Variants in CCDC30 observed in about 807,000 individuals in gnomAD.
CCDC30 encodes coiled-coil domain containing 30.
Under a neutral mutation model 100.2 loss-of-function variants are expected in CCDC30, and 70 were observed. That is an observed-to-expected ratio of 0.70 (90% CI 0.58 to 0.85). The LOEUF (loss-of-function observed/expected upper bound fraction) is 0.85. CCDC30 is among the 40% of genes least tolerant of loss of function. CCDC30 has a pLI of 0.00. For synonymous variants in CCDC30, 233 were observed against 269.5 expected (o/e 0.86, Z 1.33); for missense variants, 652 against 771.2 (o/e 0.85, Z 1.83).
At chr1:42,593,924 T>C (rs1166529224) in intron 10 of CCDC30, 1 of 152,148 alleles carries the variant, frequency 6.6e-6, no homozygotes, top group African/African-American at 2.4e-5. Flanking sequence ...TCCAAGCTCA[T>C]GGCCCAGGGG....
chr1:42,653,932 T>C lies in CCDC30; in HGVS notation c.2037T>C (p.Leu679=), dbSNP rs138133896. 4.8e-4 allele frequency: 769 copies of C among 1,614,064 alleles called. 5 individuals carry two copies. The East Asian group carries it at 0.011, about 24-fold the overall frequency. The stretch of plus-strand genomic sequence containing the variant: ...CCCCTGAAAAGTCTCCTGAGAATCT[T>C]GTGTGTTCACAGAATTCTGAGGCTG... The change falls in exon 17 of 17, where the codon CTT becomes CTC. Residue 679 remains leucine (L), a synonymous_variant. Transcript: ENST00000668663.
intron 6 of CCDC30, among the ~76,000 whole-genome samples, chr1:42,565,868 G>A (rs1052729114): frequency 1.3e-5 from 2 of 151,692 alleles, no homozygotes; most frequent in Non-Finnish European, 2.9e-5. Context: ...AGAAACTTAA[G>A]GTCTCTTACT....
exon 9 of CCDC30, chr1:42,581,367 A>T (rs2148592516): frequency 6.3e-7 from 1 of 1,597,294 alleles, no homozygotes. Flanking sequence ...AAGATTTTGG[A>T]CCTGCAGCGG....
intron 6 of CCDC30, among the ~76,000 whole-genome samples, chr1:42,507,982 A>G (rs1267413131): frequency 6.6e-6 from 1 of 152,196 alleles, no homozygotes; most frequent in East Asian, 1.9e-4. Flanking sequence ...TTAAGCATTT[A>G]TTTTTCTCTA....
chr1:42,552,838 G>A (rs970518559), intron 6 of CCDC30, among the ~76,000 whole-genome samples: 2 of 152,118 alleles, frequency 1.3e-5, no homozygotes, highest in African/African-American at 4.8e-5. Context: ...CAGTGGAAAG[G>A]GAGAAGTGTG....
chr1:42,621,312 CTCTTT>C (rs527427560), intron 11 of CCDC30, among the ~76,000 whole-genome samples: 1 of 151,452 alleles, frequency 6.6e-6, no homozygotes, highest in African/African-American at 2.4e-5. Flanking sequence ...TTTGGTTTTT[CTCTTT>C]TCTTTTCTTT....
At chr1:42,559,904 CAG>C (rs1557854542) in intron 6 of CCDC30, among the ~76,000 whole-genome samples, 1 of 152,194 alleles carries the variant, frequency 6.6e-6, no homozygotes, top group Admixed American at 6.5e-5. Context: ...AAACACTCCT[CAG>C]CAAATGCAGA....
At chr1:42,491,782 A>G in intron 4 of CCDC30, 2 of 301,886 alleles carry the variant, frequency 6.6e-6, no homozygotes, top group East Asian at 7.6e-5. Context: ...GGTGGCAAAA[A>G]GGGAGCCGAA....
rs1433862901 is a variant in CCDC30, at chr1:42,631,335, GTCTC to G, written c.1278-5896_1278-5893del. Among the ~76,000 whole-genome samples, 4 of 152,284 alleles carry G rather than the reference GTCTC, an allele frequency of 2.6e-5. No homozygotes were observed. In the East Asian group the frequency reaches 7.7e-4, roughly 29 times the overall value. ...CCTTACTTTCTCCTAGACAAATGGA[GTCTC>G]TCTCTATGTTCTGAGCCACTTGGAA... On this transcript the variant is annotated intron_variant, in intron 11 of 16. Transcript: ENST00000668663.
chr1:42,504,139 G>T (rs946416401), intron 6 of CCDC30, among the ~76,000 whole-genome samples: 1 of 152,274 alleles, frequency 6.6e-6, no homozygotes, highest in Non-Finnish European at 1.5e-5. Flanking sequence ...TGCAGCAGGA[G>T]CATGTCCTTA....
intron 6 of CCDC30, among the ~76,000 whole-genome samples, chr1:42,546,119 C>G (rs1645125398): frequency 6.6e-6 from 1 of 151,564 alleles, no homozygotes; most frequent in South Asian, 2.1e-4. Flanking sequence ...TGCACAGTTG[C>G]TCATGCCTGT....
rs1380625221 is a variant in CCDC30, at chr1:42,544,427, C to G, written c.457-21869C>G. On this transcript the variant is annotated intron_variant, in intron 6 of 16. Transcript: ENST00000668663. Reference sequence around the variant, plus strand: ...GGAGGCTTATTTAAAGTACAGATTTCCATTTCCGCCCCCAGACCACTGATA... The same window carrying G: ...GGAGGCTTATTTAAAGTACAGATTTGCATTTCCGCCCCCAGACCACTGATA... 2.0e-5 allele frequency among the ~76,000 whole-genome samples: 3 copies of G among 152,226 alleles called. No homozygotes were observed. The East Asian group carries it at 5.8e-4, about 29-fold the overall frequency.
At chr1:42,595,595 A>G (rs1211317189) in intron 10 of CCDC30, 2 of 152,266 alleles carry the variant, frequency 1.3e-5, no homozygotes, top group East Asian at 1.9e-4. Context: ...GCAAATCCAT[A>G]TTTATAATAA....
At chr1:42,647,854 AT>A (rs748732697) in intron 15 of CCDC30, among the ~76,000 whole-genome samples, 15 of 152,230 alleles carry the variant, frequency 9.9e-5, no homozygotes, top group Non-Finnish European at 1.3e-4. Flanking sequence ...TAAGATGGAA[AT>A]TTTAAAATAT....
chr1:42,572,857 G>A (rs1005990269), intron 7 of CCDC30, among the ~76,000 whole-genome samples: 3 of 152,158 alleles, frequency 2.0e-5, no homozygotes, highest in African/African-American at 7.2e-5. Context: ...GACCTCAGGT[G>A]ATCTGCCCAC....
chr1:42,592,816 A>T (rs1646212942), intron 10 of CCDC30: 1 of 152,144 alleles, frequency 6.6e-6, no homozygotes, highest in South Asian at 2.1e-4. Flanking sequence ...GTCTGCTCCC[A>T]CTTCACCTAC....
At chr1:42,650,545 C>T (rs1648264569) in intron 15 of CCDC30, among the ~76,000 whole-genome samples, 1 of 128,908 alleles carries the variant, frequency 7.8e-6, no homozygotes. Flanking sequence ...GTGTGTATAA[C>T]AGAACTACAG....
At chr1:42,549,480 G>A (rs1645206777) in intron 6 of CCDC30, among the ~76,000 whole-genome samples, 1 of 152,092 alleles carries the variant, frequency 6.6e-6, no homozygotes. Context: ...ATATCGCAAG[G>A]GCAAGAAGGT....
At position 42,463,886 on chromosome 1, in the gene CCDC30, C is replaced by G. The variant is rs1643484419; in HGVS notation, c.-104C>G. ...TGGAGGCCTTTTGTATCCTCAACAT[C>G]AGAGGTCATGAAGTCAGTTACCTTC... On this transcript the variant is annotated 5_prime_UTR_variant, in exon 1 of 17. The change creates a new upstream start codon in the 5' untranslated region. Coordinates refer to ENST00000668663, the Ensembl canonical transcript of CCDC30. The G allele has an allele frequency of 6.6e-6, 1 of 152,182 alleles. No individual in the cohort carries two copies. Among genetic ancestry groups the G allele is most frequent in the African/African-American group, 2.4e-5 (1 of 41,440 alleles). 9.4% of individuals were successfully genotyped at this position (152,182 alleles called of 1,614,324 possible).
Sources: gnomAD v4.1 joint callset for allele counts (sites outside exome capture counted in the v4.1 genomes callset) on GRCh38, gnomAD v4.1.1 for gene constraint, MANE v1.5 for transcripts, NCBI Gene and HGNC (gene_info 2026-07-23, HGNC 2026-07-21) for gene names.